The following STRIP1 variants were observed in gnomAD, a reference collection of about 807,000 sequenced individuals.
The protein encoded by STRIP1 is striatin interacting protein 1.
STRIP1 carries 63 observed loss-of-function variants against 106.2 expected under a neutral mutation model. The observed-to-expected ratio is 0.59, with a 90% CI of 0.48 to 0.73. STRIP1 has a LOEUF of 0.73. Ranked by LOEUF, STRIP1 falls within the 30% of genes least tolerant of loss-of-function variation. The pLI, the probability that STRIP1 is intolerant of heterozygous loss-of-function variation, is 0.00. For missense variants in STRIP1, 857 were observed against 1,074.8 expected, an observed-to-expected ratio of 0.80 and a Z score of 2.83; for synonymous variants, 390 against 413.0, an observed-to-expected ratio of 0.94 and a Z score of 0.67.
intron 17 of STRIP1, 132 bp from the exon 18 acceptor site, chr1:110,050,211 C>A: frequency 1.3e-6 from 1 of 777,850 alleles, no homozygotes. Flanking sequence ...TGGGGTGGGA[C>A]ACATCAGGTA....
intron 8 of STRIP1, among the ~76,000 whole-genome samples, chr1:110,042,720 T>C (rs906169085): frequency 6.6e-6 from 1 of 152,242 alleles, no homozygotes; most frequent in African/African-American, 2.4e-5. Flanking sequence ...ATTTCTAATT[T>C]GACTTTGAAA....
Position 110,039,433 on chromosome 1 carries a change from T to A in STRIP1, c.499T>A (p.Ser167Thr), listed in dbSNP as rs747107278. 1 of 1,613,904 alleles carries A rather than the reference T, an allele frequency of 6.2e-7. No individual in the cohort carries two copies. The highest frequency in any genetic ancestry group is 1.1e-5 in the South Asian group (1 of 90,992). Residue 167 changes from serine to threonine, a missense_variant, in exon 5 of 21, where the codon TCC becomes ACC. Physicochemically the swap from Ser to Thr is moderately conservative, Grantham distance 58. Transcript: ENST00000369795. The stretch of plus-strand genomic sequence containing the variant: ...GTGCAGCTCGGAGGCAGAGGTGCAG[T>A]CCTGGATGCGCTACAACATCTTTCT... ...GECSSEAEVQ[S>T]WMRYNIFLLL...
chr1:110,050,242 CAAGT>C, intron 17 of STRIP1, 97 bp from the exon 18 acceptor site: 1 of 1,142,208 alleles, frequency 8.8e-7, no homozygotes, highest in Non-Finnish European at 1.3e-6. Flanking sequence ...TCTGCTCCAA[CAAGT>C]GAGGGAGGAA....
intron 3 of STRIP1, 175 bp from the exon 4 acceptor site, chr1:110,038,997 C>T: frequency 1.2e-6 from 1 of 814,734 alleles, no homozygotes; most frequent in Non-Finnish European, 1.9e-6. Flanking sequence ...CCCAAAATAC[C>T]AGCGTTTCAG....
Position 110,041,843 on chromosome 1 carries a change from G to T in STRIP1, c.867G>T (p.Leu289=). The part of the protein sequence containing the change: ...PHFPMKKVLL[L]LWKTVLCTLG... Reference sequence around the variant, plus strand: ...TTCCCATGAAGAAAGTTCTCTTGCTGCTCTGGAAGACAGTATTGGTGAGCA... The same window carrying T: ...TTCCCATGAAGAAAGTTCTCTTGCTTCTCTGGAAGACAGTATTGGTGAGCA... The change falls in exon 8 of 21, where the codon CTG becomes CTT. Residue 289 remains leucine, a synonymous_variant. Transcript: ENST00000369795. The T allele has an allele frequency of 6.2e-7, 1 of 1,614,166 alleles. No individual in the cohort carries two copies. The highest frequency in any genetic ancestry group is 8.5e-7 in the Non-Finnish European group (1 of 1,180,020).
chr1:110,040,189 T>C (rs1652689307), intron 5 of STRIP1, among the ~76,000 whole-genome samples: 1 of 152,118 alleles, frequency 6.6e-6, no homozygotes, highest in Non-Finnish European at 1.5e-5. Flanking sequence ...TTTGTTTTTG[T>C]TTTTGTTTTT....
At chr1:110,042,026 A>G (rs893113177) in intron 8 of STRIP1, among the ~76,000 whole-genome samples, 165 bp downstream of exon 8, 3 of 152,202 alleles carry the variant, frequency 2.0e-5, no homozygotes, top group African/African-American at 2.4e-5. Context: ...AAGGGCCACT[A>G]TTGTCCCATT....
In STRIP1 at chr1:110,043,705, C is replaced by T. The variant is rs1557791687; in HGVS notation, c.1135C>T (p.Arg379Ter). The T allele has an allele frequency of 1.2e-6, 2 of 1,614,074 alleles. No individual in the cohort carries two copies. Among genetic ancestry groups the T allele is most frequent in the Non-Finnish European group, 1.7e-6 (2 of 1,179,998 alleles). ...ERDPYKADDS[R>*]EEEEENDDDN... ...GGATCCCTACAAGGCTGATGACTCTCGAGAAGAGGAAGAGGAGAATGATGA... is the reference window on the plus strand; with the variant it reads ...GGATCCCTACAAGGCTGATGACTCTTGAGAAGAGGAAGAGGAGAATGATGA... The change falls in exon 10 of 21, where the codon CGA becomes TGA. Residue 379 changes from arginine to a stop codon, truncating the protein, a stop_gained. Coordinates refer to ENST00000369795, the MANE Select transcript of STRIP1 (RefSeq NM_033088.4). LOFTEE classifies it high-confidence loss of function.
At chr1:110,045,805 G>C (rs1652993196) in intron 12 of STRIP1, among the ~76,000 whole-genome samples, 1 of 151,800 alleles carries the variant, frequency 6.6e-6, no homozygotes. Context: ...AGGTTCTAAA[G>C]AGAAAAGAGA....
chr1:110,050,369 G>T lies in STRIP1; in HGVS notation c.1916G>T (p.Cys639Phe). ...NSISVLDYPHCVVHELPELTA... is the reference protein window; with the variant it reads ...NSISVLDYPHFVVHELPELTA... The stretch of plus-strand genomic sequence containing the variant: ...ATTTCTGTCCTGGATTACCCTCACT[G>T]CGTGGTGCATGAGCTGCCAGAGCTG... Residue 639 changes from cysteine to phenylalanine, a missense_variant, in exon 18 of 21, where the codon TGC becomes TTC. This residue lies in a region of STRIP1 where 750 missense variants were observed against 989.8 expected (regional missense o/e 0.76). Coordinates refer to ENST00000369795, the MANE Select transcript of STRIP1 (RefSeq NM_033088.4). 6.2e-7 allele frequency: 1 copy of T among 1,614,182 alleles called. No homozygotes were observed.
chr1:110,039,363 A>C (rs1652645094), intron 4 of STRIP1, 32 bp from the exon 5 acceptor site: 1 of 1,613,852 alleles, frequency 6.2e-7, no homozygotes, highest in Admixed American at 1.7e-5. Context: ...AGATGCAGGG[A>C]GGGGCTCAGT....
At chr1:110,049,007 T>G (rs1570927145) in intron 15 of STRIP1, 105 bp from the exon 16 acceptor site, 1 of 1,344,600 alleles carries the variant, frequency 7.4e-7, no homozygotes, top group Non-Finnish European at 1.0e-6. Flanking sequence ...AGTGGGGAGG[T>G]AGGAGTCTTT....
chr1:110,050,207 G>A, intron 17 of STRIP1, 136 bp from the exon 18 acceptor site: 1 of 747,542 alleles, frequency 1.3e-6, no homozygotes, highest in Non-Finnish European at 2.3e-6. Flanking sequence ...AAACTGGGGT[G>A]GGACACATCA....
At chr1:110,042,740 G>A (rs879387341) in intron 8 of STRIP1, 4 of 205,672 alleles carry the variant, frequency 1.9e-5, no homozygotes, top group Non-Finnish European at 3.9e-5. Flanking sequence ...AGACTTGCAT[G>A]TACAACTTGT....
intron 5 of STRIP1, among the ~76,000 whole-genome samples, chr1:110,040,163 T>C (rs1415886989): frequency 1.3e-5 from 2 of 152,014 alleles, no homozygotes; most frequent in African/African-American, 4.8e-5. Flanking sequence ...TTTTTTGTTT[T>C]TGTTTTTGTG....
In STRIP1 at chr1:110,051,001, T is replaced by C; in HGVS notation, c.2002T>C (p.Cys668Arg). 6.2e-7 allele frequency: 1 copy of C among 1,614,092 alleles called. No individual in the cohort carries two copies. Among genetic ancestry groups the C allele is most frequent in the Non-Finnish European group, 8.5e-7 (1 of 1,179,896 alleles). ...NQFCWRNLFS[C>R]INLLRILNKL... is the part of the protein sequence containing the mutation. ...ATTTTGCTGGAGGAACCTCTTTTCT[T>C]GTATCAATCTGCTTCGGATCTTGAA... The change falls in exon 19 of 21, where the codon TGT becomes CGT. Residue 668 changes from cysteine (C) to arginine (R), a missense_variant. By Grantham distance (180) the Cys-to-Arg change is radical. Transcript: ENST00000369795.
rs748542932 is a variant in STRIP1 at position 110,050,445 on chromosome 1, C to A, written c.1956+36C>A. On this transcript the variant is annotated intron_variant, in intron 18 of 20. Coordinates refer to ENST00000369795, the MANE Select transcript of STRIP1 (RefSeq NM_033088.4). ...GGGCTCTCCTCAGCTGTCCTTTTGG[C>A]ACCAGGGTCAGTGGGTAGAGAGCCT... The A allele has an allele frequency of 5.0e-6, 8 of 1,600,986 alleles. No homozygotes were observed. The East Asian group carries it at 1.8e-4, about 36-fold the overall frequency.
Position 110,054,062 on chromosome 1 carries a change from G to A in STRIP1, c.*150G>A, listed in dbSNP as rs1653429043. The A allele has an allele frequency of 1.5e-5, 14 of 962,466 alleles. No individual in the cohort carries two copies. Among genetic ancestry groups the A allele is most frequent in the Non-Finnish European group, 2.1e-5 (14 of 651,522 alleles). 59.6% of individuals were successfully genotyped at this position (962,466 alleles called of 1,614,324 possible). On this transcript the variant is annotated 3_prime_UTR_variant, in exon 21 of 21. Transcript: ENST00000369795. ...TCCGCAGTCTGTCCTGGGCTTGGGT[G>A]AGCCCAGCTTGACCTCCCCTTGGTT...
Position 110,041,791 on chromosome 1 carries a change from A to G in STRIP1, c.815A>G (p.Lys272Arg), listed in dbSNP as rs1652776723. 1.2e-6 allele frequency: 2 copies of G among 1,613,982 alleles called. No individual in the cohort carries two copies. Among genetic ancestry groups the G allele is most frequent in the Admixed American group, 1.7e-5 (1 of 60,012 alleles). Reference protein sequence around the residue: ...FAIMLFGMVTKFCSGHAPHFP... With the variant: ...FAIMLFGMVTRFCSGHAPHFP... ...ATCATGCTGTTTGGGATGGTGACCA[A>G]ATTTTGCAGTGGTCACGCCCCTCAC... The change falls in exon 8 of 21, where the codon AAA (lysine) becomes AGA (arginine). Residue 272 changes from lysine (K) to arginine (R), a missense_variant. By Grantham distance (26) the Lys-to-Arg change is conservative (BLOSUM62 2). Around this residue, in one of 2 missense-constraint regions of STRIP1, gnomAD observed 750 missense variants for 989.8 expected, o/e 0.76. Coordinates refer to ENST00000369795, the MANE Select transcript of STRIP1 (RefSeq NM_033088.4).
Sources: allele counts gnomAD v4.1 joint callset (sites outside exome capture counted in the v4.1 genomes callset), GRCh38; gene constraint gnomAD v4.1.1; regional missense constraint gnomAD v4.1.1; transcripts MANE v1.5; gene names NCBI Gene and HGNC (gene_info 2026-07-23, HGNC 2026-07-21).